The following IFT88 variants were observed in gnomAD, a reference collection of about 807,000 sequenced individuals.
IFT88 encodes the protein intraflagellar transport 88, also known as intraflagellar transport protein 88 homolog.
In IFT88, 74 loss-of-function variants were observed where a neutral mutation model predicts 119.5. That is an observed-to-expected ratio of 0.62 (90% CI 0.51 to 0.75). The LOEUF is 0.75. IFT88 is among the 30% of genes least tolerant of loss of function. The pLI is 0.00. For missense variants in IFT88, 961 were observed against 977.7 expected, an observed-to-expected ratio of 0.98 and a Z score of 0.23; for synonymous variants, 279 against 316.7, an observed-to-expected ratio of 0.88 and a Z score of 1.26.
chr13:20,645,841 C>G (rs575008999), intron 20 of IFT88, among the ~76,000 whole-genome samples: 1 of 152,048 alleles, frequency 6.6e-6, no homozygotes, highest in Non-Finnish European at 1.5e-5. Flanking sequence ...GAAATGATTT[C>G]TGTTTGGAAT....
chr13:20,681,316 A>T (rs1010836526), intron 24 of IFT88, among the ~76,000 whole-genome samples: 2 of 152,240 alleles, frequency 1.3e-5, no homozygotes, highest in African/African-American at 4.8e-5. Context: ...ATGTATCTAC[A>T]CATACATGCA....
intron 11 of IFT88, among the ~76,000 whole-genome samples, chr13:20,601,191 C>T (rs2042539472): frequency 6.6e-6 from 1 of 152,220 alleles, no homozygotes; most frequent in East Asian, 1.9e-4. Flanking sequence ...TATGGTGAAA[C>T]CCCGTCTCTA....
At chr13:20,591,142 C>A (rs2138675349) in intron 5 of IFT88, 122 bp downstream of exon 5, 3 of 678,408 alleles carry the variant, frequency 4.4e-6, no homozygotes, top group Non-Finnish European at 7.5e-6. Flanking sequence ...TATATAGTGA[C>A]CCAGATTCTT....
chr13:20,576,333 C>A (rs1308544395), intron 2 of IFT88, among the ~76,000 whole-genome samples: 1 of 152,024 alleles, frequency 6.6e-6, no homozygotes, highest in Non-Finnish European at 1.5e-5. Flanking sequence ...CTCTTCACTT[C>A]ATTGTTTCCT....
At chr13:20,599,946 A>G (rs533579628) in intron 11 of IFT88, among the ~76,000 whole-genome samples, 46 of 152,000 alleles carry the variant, frequency 3.0e-4, no homozygotes, top group Middle Eastern at 3.4e-3. Context: ...TGAAATAGAG[A>G]AAAGGATTAC....
In IFT88 at chr13:20,651,576, C is replaced by T. The variant is rs2051702533; in HGVS notation, c.1950-2300C>T. Among the ~76,000 whole-genome samples the T allele has an allele frequency of 2.6e-5, 4 of 151,452 alleles. No homozygotes were observed. In the South Asian group the frequency reaches 8.3e-4, roughly 32 times the overall value. ...ATAAACAAAACATGGTACAGTAGTCCACCTTTATACAATGTTTTGCTGTCC... is the reference window on the plus strand; with the variant it reads ...ATAAACAAAACATGGTACAGTAGTCTACCTTTATACAATGTTTTGCTGTCC... On this transcript the variant is annotated intron_variant, in intron 20 of 25. Coordinates refer to ENST00000351808, the MANE Select transcript of IFT88 (RefSeq NM_006531.5).
intron 7 of IFT88, among the ~76,000 whole-genome samples, chr13:20,592,851 T>C (rs919924335): frequency 1.4e-5 from 2 of 147,524 alleles, no homozygotes; most frequent in Non-Finnish European, 2.9e-5. Flanking sequence ...TCTTAATCTT[T>C]AAAAAGTTTG....
chr13:20,665,464 T>C (rs76898551), intron 23 of IFT88, among the ~76,000 whole-genome samples: 1,856 of 152,326 alleles, frequency 0.012, 37 homozygotes, highest in African/African-American at 0.043. Context: ...AACTAAAAAA[T>C]GCAATTTTTA....
chr13:20,606,940 A>G (rs2043579649), intron 13 of IFT88, among the ~76,000 whole-genome samples: 2 of 152,186 alleles, frequency 1.3e-5, no homozygotes, highest in Admixed American at 1.3e-4. Context: ...TCTTAAGGAC[A>G]TTGAATGATG....
chr13:20,571,906 A>G (rs2036429927), intron 1 of IFT88, among the ~76,000 whole-genome samples: 1 of 152,186 alleles, frequency 6.6e-6, no homozygotes, highest in Non-Finnish European at 1.5e-5. Context: ...TCTTCAAGCA[A>G]TGTTATGTGT....
At chr13:20,673,620 C>T (rs1343526495) in intron 24 of IFT88, among the ~76,000 whole-genome samples, 5 of 152,200 alleles carry the variant, frequency 3.3e-5, no homozygotes, top group African/African-American at 4.8e-5. Context: ...ACCTCCTCCA[C>T]GGTCAGGGAA....
At chr13:20,599,604 G>T (rs778850991) in intron 11 of IFT88, 39 bp downstream of exon 11, 1 of 918,988 alleles carries the variant, frequency 1.1e-6, no homozygotes. Context: ...TAAAATTTAA[G>T]TGTTTTTCTG....
intron 13 of IFT88, among the ~76,000 whole-genome samples, chr13:20,614,130 T>G (rs2045163228): frequency 6.6e-6 from 1 of 152,212 alleles, no homozygotes; most frequent in Admixed American, 6.5e-5. Context: ...AAGCTGTTTT[T>G]TAAAAATTCA....
At chr13:20,655,739 C>T (rs1170009101) in intron 21 of IFT88, among the ~76,000 whole-genome samples, 1 of 152,052 alleles carries the variant, frequency 6.6e-6, no homozygotes, top group African/African-American at 2.4e-5. Flanking sequence ...AGTGGTCCAC[C>T]CACCTCAGCC....
intron 15 of IFT88, 144 bp from the exon 16 acceptor site, chr13:20,630,872 A>C: frequency 4.1e-6 from 2 of 493,206 alleles, no homozygotes; most frequent in Non-Finnish European, 3.7e-6. Flanking sequence ...ATCTTCTTGT[A>C]ATCTGTTTTC....
chr13:20,567,735 C>T, intron 1 of IFT88: 1 of 1,299,362 alleles, frequency 7.7e-7, no homozygotes, highest in Admixed American at 3.2e-5. Flanking sequence ...CACAACAATG[C>T]AGAAAGCGGT....
At chr13:20,633,204 A>G (rs1177510996) in intron 16 of IFT88, among the ~76,000 whole-genome samples, 4 of 152,242 alleles carry the variant, frequency 2.6e-5, no homozygotes, top group African/African-American at 9.6e-5. Flanking sequence ...AGACTGGGTA[A>G]TTTATCAAGG....
In IFT88 at chr13:20,601,623, A is replaced by G. The variant is rs2042606697; in HGVS notation, c.813-82A>G. On this transcript the variant is annotated intron_variant, in intron 11 of 25. Coordinates refer to ENST00000351808, the MANE Select transcript of IFT88 (RefSeq NM_006531.5). ...AAACGAAGTAAAGTGGGAGACGAAA[A>G]AAGAAAACTATTTGTGAATGGTTTG... 3 of 897,000 alleles carry G rather than the reference A, an allele frequency of 3.3e-6. No homozygotes were observed. In the South Asian group the frequency reaches 5.7e-5, roughly 17 times the overall value. The allele number at this position is 897,000 out of a possible 1,614,324, so 55.6% of individuals were successfully genotyped here.
At chr13:20,664,388 A>AACATTGT (rs565405498) in intron 23 of IFT88, among the ~76,000 whole-genome samples, 6 of 152,162 alleles carry the variant, frequency 3.9e-5, no homozygotes, top group African/African-American at 1.2e-4. Flanking sequence ...GTAAGAAGAA[A>AACATTGT]ACATTGTACA....
Sources: gnomAD v4.1 joint callset for allele counts (sites outside exome capture counted in the v4.1 genomes callset) on GRCh38, gnomAD v4.1.1 for gene constraint, MANE v1.5 for transcripts, NCBI Gene and HGNC (gene_info 2026-07-23, HGNC 2026-07-21) for gene names.